Variants in ADGRG2 observed in about 807,000 individuals in gnomAD.
ADGRG2 encodes the protein G protein-coupled receptor 64.
In ADGRG2, 26 loss-of-function variants were observed where a neutral mutation model predicts 74.1. That is an observed-to-expected ratio of 0.35 (90% CI 0.26 to 0.49). ADGRG2 has a LOEUF of 0.49. Among genes scored for constraint, ADGRG2 ranks in the 20% least tolerant of loss-of-function variants. ADGRG2 has a pLI of 0.99. For missense variants in ADGRG2, 619 were observed against 763.1 expected (o/e 0.81, Z 2.22); for synonymous variants, 296 against 295.2 (o/e 1.00, Z -0.03).
At chrX:19,038,784 C>T (rs1281729730) in intron 4 of ADGRG2, among the ~76,000 whole-genome samples, 1 of 111,613 alleles carries the variant, frequency 9.0e-6, no homozygotes, top group Non-Finnish European at 1.9e-5. Flanking sequence ...CCAGTGTGTC[C>T]CCCCAGAGTC....
chrX:19,115,978 G>C (rs1437268378), intron 1 of ADGRG2, among the ~76,000 whole-genome samples: 4 of 110,449 alleles, frequency 3.6e-5, no homozygotes, highest in Non-Finnish European at 7.6e-5. Flanking sequence ...GGGAGACTGA[G>C]GCAGGAAGCC....
chrX:19,016,201 A>C (rs760943825), intron 15 of ADGRG2, among the ~76,000 whole-genome samples: 82 of 112,608 alleles, frequency 7.3e-4, no homozygotes, highest in Non-Finnish European at 9.6e-4. Context: ...AAAGTGTACT[A>C]ATCTTAGATT....
chrX:19,037,499 C>G lies in ADGRG2; in HGVS notation c.203-9G>C, dbSNP rs767398869. On this transcript the variant is annotated splice_polypyrimidine_tract_variant and intron_variant, in intron 5 of 28. Coordinates refer to ENST00000379869, the MANE Select transcript of ADGRG2 (RefSeq NM_001079858.3). Reference sequence around the variant, plus strand: ...GCTTGTTGTTTCAACCTCTTTTTGTCCCGAGGAGAAAAACAATACAAAGAT... The same window carrying G: ...GCTTGTTGTTTCAACCTCTTTTTGTGCCGAGGAGAAAAACAATACAAAGAT... The G allele has an allele frequency of 4.3e-6, 5 of 1,170,514 alleles. No homozygotes were observed. The highest frequency in any genetic ancestry group is 6.0e-5 in the East Asian group (2 of 33,442).
At position 18,995,845 on chromosome X, in the gene ADGRG2, C is replaced by CA. The variant is rs756265769; in HGVS notation, c.2716+205dup. Among the ~76,000 whole-genome samples the CA allele has an allele frequency of 1.4e-4, 16 of 112,090 alleles. No individual in the cohort carries two copies. The South Asian group carries it at 5.1e-3, about 36-fold the overall frequency. Reference sequence around the variant, plus strand: ...CAGCCAGCCCATCAATTTTATTGCTCAAAAAATTCCCAGATAGAAATAATT... The same window carrying CA: ...CAGCCAGCCCATCAATTTTATTGCTCAAAAAAATTCCCAGATAGAAATAATT... On this transcript the variant is annotated intron_variant, in intron 27 of 28. Transcript: ENST00000379869.
At chrX:19,120,921 G>A (rs899464246) in intron 1 of ADGRG2, among the ~76,000 whole-genome samples, 1 of 112,066 alleles carries the variant, frequency 8.9e-6, no homozygotes, top group African/African-American at 3.2e-5. Flanking sequence ...AAATATTGAC[G>A]TATTTAGAAA....
intron 1 of ADGRG2, among the ~76,000 whole-genome samples, chrX:19,110,611 G>A (rs1454985814): frequency 9.2e-6 from 1 of 108,357 alleles, no homozygotes; most frequent in Admixed American, 9.9e-5. Flanking sequence ...ACTTGAACCC[G>A]GGAGACAGGG....
At chrX:19,074,822 C>A (rs918421067) in intron 2 of ADGRG2, among the ~76,000 whole-genome samples, 3 of 109,452 alleles carry the variant, frequency 2.7e-5, no homozygotes, top group African/African-American at 1.0e-4. Context: ...CCACCCGGCT[C>A]GGCCTCCCAA....
chrX:19,108,320 A>T (rs1189100288), intron 1 of ADGRG2, among the ~76,000 whole-genome samples: 1 of 110,970 alleles, frequency 9.0e-6, no homozygotes, highest in Non-Finnish European at 1.9e-5. Context: ...CAGATGTGTG[A>T]GTTATGTCCA....
chrX:19,048,541 G>C (rs2061242590), intron 3 of ADGRG2, among the ~76,000 whole-genome samples: 1 of 111,951 alleles, frequency 8.9e-6, no homozygotes, highest in Non-Finnish European at 1.9e-5. Context: ...TGGGCTGTGG[G>C]CTGAAGAGAA....
intron 6 of ADGRG2, chrX:19,036,232 C>A: frequency 4.2e-6 from 1 of 237,620 alleles, no homozygotes; most frequent in Admixed American, 6.6e-5. Context: ...GCAACACTCC[C>A]GTAACCATTA....
At chrX:19,003,346 C>T (rs1285187007) in intron 23 of ADGRG2, among the ~76,000 whole-genome samples, 4 of 110,336 alleles carry the variant, frequency 3.6e-5, no homozygotes, top group African/African-American at 9.9e-5. Context: ...TGTAGAGACA[C>T]GGTTTCGCCA....
At position 18,999,293 on chromosome X, in the gene ADGRG2, AG is replaced by A. The variant is rs764325396; in HGVS notation, c.2331-15del. On this transcript the variant is annotated splice_polypyrimidine_tract_variant and intron_variant, in intron 25 of 28. Transcript: ENST00000379869. ...TTGATCCAGCAGCTGGAGTTTGTGG[AG>A]GGGGGGAAACAGGGGAAAACATATT... 1.6e-5 allele frequency: 19 copies of A among 1,161,673 alleles called. No homozygotes were observed. Among genetic ancestry groups the A allele is most frequent in the Middle Eastern group, 2.4e-4 (1 of 4,179 alleles).
chrX:19,017,322 T>C (rs2060490101), intron 15 of ADGRG2, among the ~76,000 whole-genome samples: 1 of 112,415 alleles, frequency 8.9e-6, no homozygotes, highest in Non-Finnish European at 1.9e-5. Context: ...ACTCACTTCT[T>C]CATTTGATCT....
At chrX:19,015,321 G>C (rs2060445512) in intron 15 of ADGRG2, among the ~76,000 whole-genome samples, 1 of 112,475 alleles carries the variant, frequency 8.9e-6, no homozygotes, top group Admixed American at 9.4e-5. Context: ...AAGCCTGCTT[G>C]GTCCAGTCTG....
chrX:19,072,981 G>A (rs1212425548), intron 2 of ADGRG2, among the ~76,000 whole-genome samples: 2 of 111,704 alleles, frequency 1.8e-5, no homozygotes, highest in Non-Finnish European at 3.8e-5. Flanking sequence ...GTTTGGATAC[G>A]TGTCCCCATC....
In ADGRG2 at chrX:19,058,288, ACT is replaced by A. The variant is rs199750700; in HGVS notation, c.118+10427_118+10428del. On this transcript the variant is annotated intron_variant, in intron 3 of 28. Coordinates refer to ENST00000379869, the MANE Select transcript of ADGRG2 (RefSeq NM_001079858.3). The stretch of plus-strand genomic sequence containing the variant: ...ATGCAACTCACTTCAAAGTTTTAAA[ACT>A]CTACTTTGAAAACATCCTGTAACTG... Among the ~76,000 whole-genome samples the A allele has an allele frequency of 1.8e-3, 199 of 110,835 alleles. 2 individuals are homozygous for A. The highest frequency in any genetic ancestry group is 6.2e-3 in the African/African-American group (190 of 30,548).
At chrX:19,078,083 G>C in intron 2 of ADGRG2, among the ~76,000 whole-genome samples, 1 of 112,226 alleles carries the variant, frequency 8.9e-6, no homozygotes, top group South Asian at 3.7e-4. Context: ...AGAGCACATG[G>C]AATGTCTGTG....
At chrX:19,061,141 C>T (rs1241595069) in intron 3 of ADGRG2, among the ~76,000 whole-genome samples, 1 of 111,730 alleles carries the variant, frequency 9.0e-6, no homozygotes, top group Non-Finnish European at 1.9e-5. Flanking sequence ...AGCCAAGGTA[C>T]AGCCACCTCA....
In ADGRG2 at chrX:18,999,295, G is replaced by T. The variant is rs199795489; in HGVS notation, c.2331-16C>A. Reference sequence around the variant, plus strand: ...GATCCAGCAGCTGGAGTTTGTGGAGGGGGGGAAACAGGGGAAAACATATTA... The same window carrying T: ...GATCCAGCAGCTGGAGTTTGTGGAGTGGGGGAAACAGGGGAAAACATATTA... On this transcript the variant is annotated splice_polypyrimidine_tract_variant and intron_variant, in intron 25 of 28. Coordinates refer to ENST00000379869, the MANE Select transcript of ADGRG2 (RefSeq NM_001079858.3). The T allele has an allele frequency of 2.0e-5, 23 of 1,159,096 alleles. No homozygotes were observed. In the African/African-American group the frequency reaches 2.2e-4, roughly 11 times the overall value.
Sources: gnomAD v4.1 joint callset for allele counts (sites outside exome capture counted in the v4.1 genomes callset) on GRCh38, gnomAD v4.1.1 for gene constraint, MANE v1.5 for transcripts, NCBI Gene and HGNC (gene_info 2026-07-23, HGNC 2026-07-21) for gene names.